The following MCC variants were observed in gnomAD, a reference collection of about 807,000 sequenced individuals.
MCC encodes MCC regulator of Wnt signaling pathway.
Under a neutral mutation model 116.2 loss-of-function variants are expected in MCC, and 90 were observed. The observed-to-expected ratio is 0.77, with a 90% CI of 0.65 to 0.92. The LOEUF (loss-of-function observed/expected upper bound fraction) is 0.92. Ranked by LOEUF, MCC falls within the 40% of genes least tolerant of loss-of-function variation. The pLI is 0.00. For missense variants in MCC, 1,516 were observed against 1,312.2 expected, an observed-to-expected ratio of 1.16 and a Z score of -2.40; for synonymous variants, 578 against 510.5, an observed-to-expected ratio of 1.13 and a Z score of -1.78.
chr5:113,132,726 T>C (rs746759017), intron 5 of MCC, among the ~76,000 whole-genome samples: 4 of 152,216 alleles, frequency 2.6e-5, no homozygotes, highest in Non-Finnish European at 5.9e-5. Flanking sequence ...TGGGTTGTTC[T>C]AATCTGCTAA....
chr5:113,235,218 C>A (rs768825323), intron 3 of MCC, among the ~76,000 whole-genome samples: 1 of 152,182 alleles, frequency 6.6e-6, no homozygotes, highest in African/African-American at 2.4e-5. Flanking sequence ...TCTCCTCATC[C>A]TTTTTCACTT....
intron 3 of MCC, among the ~76,000 whole-genome samples, chr5:113,172,252 T>C (rs1761109527): frequency 6.6e-6 from 1 of 152,188 alleles, no homozygotes; most frequent in Admixed American, 6.5e-5. Context: ...TTTGTCTGTC[T>C]GAACACAAAA....
Position 113,177,861 on chromosome 5 carries a change from A to T in MCC, c.628-26439T>A, listed in dbSNP as rs553586356. 2.6e-4 allele frequency among the ~76,000 whole-genome samples: 39 copies of T among 152,360 alleles called. 1 individual carries two copies. The highest frequency in any genetic ancestry group is 2.0e-3 in the Admixed American group (31 of 15,302). ...GCCATCAAGTTAATGTATCATACTT[A>T]ATCATATTTAGGTAGTTTCTAATCT... On this transcript the variant is annotated intron_variant, in intron 3 of 18. Transcript: ENST00000408903.
chr5:113,393,901 T>TA (rs959832922), intron 1 of MCC, among the ~76,000 whole-genome samples: 1 of 152,184 alleles, frequency 6.6e-6, no homozygotes, highest in African/African-American at 2.4e-5. Flanking sequence ...CATGCTATCT[T>TA]AGAGTCATAT....
At chr5:113,092,877 A>G (rs1478446815) in intron 8 of MCC, among the ~76,000 whole-genome samples, 1 of 152,226 alleles carries the variant, frequency 6.6e-6, no homozygotes, top group Admixed American at 6.5e-5. Flanking sequence ...AATTCCCACC[A>G]GGCCGGAGGA....
At chr5:113,114,612 C>T (rs901416115) in intron 6 of MCC, among the ~76,000 whole-genome samples, 2 of 152,128 alleles carry the variant, frequency 1.3e-5, no homozygotes, top group African/African-American at 4.8e-5. Context: ...AAAACTCTGA[C>T]CCCACTGGCA....
At chr5:113,343,242 G>A (rs769183247) in intron 2 of MCC, among the ~76,000 whole-genome samples, 18 of 152,070 alleles carry the variant, frequency 1.2e-4, no homozygotes, top group African/African-American at 3.9e-4. Context: ...CTCTCCAGTC[G>A]GTCTAACCCA....
intron 2 of MCC, among the ~76,000 whole-genome samples, chr5:113,353,531 A>T (rs1019105321): frequency 4.6e-5 from 7 of 152,228 alleles, no homozygotes; most frequent in African/African-American, 1.4e-4. Context: ...GCAGGCTTAC[A>T]CACATAAATT....
chr5:113,113,959 CA>C (rs1479410569), intron 6 of MCC, among the ~76,000 whole-genome samples: 1 of 151,888 alleles, frequency 6.6e-6, no homozygotes, highest in Non-Finnish European at 1.5e-5. Context: ...AATGCTTCAT[CA>C]GTGGTAAAAT....
intron 3 of MCC, among the ~76,000 whole-genome samples, chr5:113,215,937 A>C (rs1763298079): frequency 6.6e-6 from 1 of 152,138 alleles, no homozygotes; most frequent in Admixed American, 6.5e-5. Flanking sequence ...CAAAGAAACC[A>C]CCAATCGCTT....
intron 1 of MCC, among the ~76,000 whole-genome samples, chr5:113,408,055 C>T (rs1244977321): frequency 2.0e-5 from 3 of 152,134 alleles, no homozygotes; most frequent in African/African-American, 7.2e-5. Context: ...AAGGGAGATA[C>T]ATTAACACAA....
chr5:113,119,395 C>A (rs992225529), intron 6 of MCC, among the ~76,000 whole-genome samples: 8 of 152,266 alleles, frequency 5.3e-5, no homozygotes, highest in Admixed American at 2.6e-4. Context: ...TTGGTGGAGA[C>A]AGCTGCCGAG....
At position 113,303,734 on chromosome 5, in the gene MCC, C is replaced by A. The variant is rs374484169; in HGVS notation, c.627+36785G>T. Among the ~76,000 whole-genome samples the A allele has an allele frequency of 1.8e-4, 27 of 152,252 alleles. 4 individuals carry two copies. The highest frequency in any genetic ancestry group is 7.2e-4 in the Admixed American group (11 of 15,292). On this transcript the variant is annotated intron_variant, in intron 3 of 18. Transcript: ENST00000408903. Reference sequence around the variant, plus strand: ...ATGGCGCAATCTCAGCTCACTGCAACCTCCACCTCCCAGGTTCAAGTGATT... The same window carrying A: ...ATGGCGCAATCTCAGCTCACTGCAAACTCCACCTCCCAGGTTCAAGTGATT...
rs1200173051 is a variant in MCC at position 113,390,060 on chromosome 5, A to G, written c.171-4848T>C. ...AACTAAGATAGTCCAGCAGAGAACT[A>G]TATCAGTAGCAATAACAACATCATG... On this transcript the variant is annotated intron_variant, in intron 1 of 18. Coordinates refer to ENST00000408903, the MANE Select transcript of MCC (RefSeq NM_001085377.2). 1.3e-4 allele frequency among the ~76,000 whole-genome samples: 20 copies of G among 152,274 alleles called. 1 individual carries two copies. Among genetic ancestry groups the G allele is most frequent in the Middle Eastern group, 6.8e-3 (2 of 294 alleles).
chr5:113,033,816 C>T (rs554443909), intron 17 of MCC, among the ~76,000 whole-genome samples: 113 of 152,178 alleles, frequency 7.4e-4, no homozygotes, highest in African/African-American at 1.5e-3. Context: ...TTCAGTTCCA[C>T]GTCTTCCCAC....
At chr5:113,265,578 C>G (rs1347544671) in intron 3 of MCC, among the ~76,000 whole-genome samples, 1 of 152,070 alleles carries the variant, frequency 6.6e-6, no homozygotes, top group African/African-American at 2.4e-5. Flanking sequence ...TCCCAAAACC[C>G]CTTGAGAAAA....
intron 2 of MCC, among the ~76,000 whole-genome samples, chr5:113,362,954 C>T (rs2150385937): frequency 6.6e-6 from 1 of 152,172 alleles, no homozygotes; most frequent in South Asian, 2.1e-4. Flanking sequence ...TGACTATAGC[C>T]TCTTGTGTTA....
intron 1 of MCC, among the ~76,000 whole-genome samples, chr5:113,422,198 A>G (rs958872322): frequency 6.6e-6 from 1 of 152,184 alleles, no homozygotes; most frequent in Non-Finnish European, 1.5e-5. Context: ...ATTTGAAGCT[A>G]TCATTGTCAC....
At position 113,024,503 on chromosome 5, in the gene MCC, C is replaced by T. The variant is rs1750390175; in HGVS notation, c.*2799G>A. 1 of 152,168 alleles carries T rather than the reference C, an allele frequency of 6.6e-6. No homozygotes were observed. Among genetic ancestry groups the T allele is most frequent in the Non-Finnish European group, 1.5e-5 (1 of 68,028 alleles). The allele number at this position is 152,168 out of a possible 1,614,324, so 9.4% of individuals were successfully genotyped here. On this transcript the variant is annotated 3_prime_UTR_variant, in exon 19 of 19. Coordinates refer to ENST00000408903, the MANE Select transcript of MCC (RefSeq NM_001085377.2). ...GAAATGGGTCCTTTGGCTCTGTGCC[C>T]ATTTCTTCAAAAGCCAAAGACTGAA...
Sources: allele counts gnomAD v4.1 joint callset (sites outside exome capture counted in the v4.1 genomes callset), GRCh38; gene constraint gnomAD v4.1.1; transcripts MANE v1.5; gene names NCBI Gene and HGNC (gene_info 2026-07-23, HGNC 2026-07-21).